TLN2: variants seen among roughly 807,000 people sequenced by gnomAD.
TLN2 encodes talin 2.
A neutral mutation model predicts 294.7 loss-of-function variants in TLN2; 118 were observed. The ratio of observed to expected loss-of-function variants is 0.40; its 90% CI spans 0.34 to 0.47. The LOEUF (loss-of-function observed/expected upper bound fraction) is 0.47, where lower values mean the gene tolerates loss of function less well. TLN2 is among the 20% of genes least tolerant of loss of function. TLN2 has a pLI of 0.84. For synonymous variants in TLN2, 1,431 were observed against 1,304.5 expected, an observed-to-expected ratio of 1.10 and a Z score of -2.09; for missense variants, 3,083 against 3,282.2, an observed-to-expected ratio of 0.94 and a Z score of 1.48.
At chr15:62,694,950 C>T (rs544059956) in intron 14 of TLN2, among the ~76,000 whole-genome samples, 1 of 152,288 alleles carries the variant, frequency 6.6e-6, no homozygotes, top group Admixed American at 6.5e-5. Flanking sequence ...ATGAGCTTAT[C>T]TATAAAATGG....
intron 9 of TLN2, 58 bp downstream of exon 9, chr15:62,657,956 CT>C: frequency 6.6e-7 from 1 of 1,525,584 alleles, no homozygotes; most frequent in Non-Finnish European, 8.9e-7. Context: ...TCTCTTTCAG[CT>C]TTTTATTTTT....
Position 62,505,748 on chromosome 15 carries a change from C to G in TLN2, c.-237-83939C>G, listed in dbSNP as rs149475738. On this transcript the variant is annotated intron_variant, in intron 1 of 58. Transcript: ENST00000636159. ...AGGGAGCAAATTAAGGAATTTACAA[C>G]TGGTACATGAGGAAGGTGGAAGGAA... 3.2e-3 allele frequency among the ~76,000 whole-genome samples: 491 copies of G among 152,256 alleles called. 5 individuals are homozygous for G. The highest frequency in any genetic ancestry group is 0.01 in the African/African-American group (430 of 41,536).
intron 1 of TLN2, among the ~76,000 whole-genome samples, chr15:62,440,100 G>T (rs978629509): frequency 6.6e-6 from 1 of 152,144 alleles, no homozygotes; most frequent in South Asian, 2.1e-4. Context: ...TGAAGAACCC[G>T]CCATGTGCTG....
At chr15:62,608,861 T>C (rs2047668224) in intron 2 of TLN2, among the ~76,000 whole-genome samples, 1 of 151,774 alleles carries the variant, frequency 6.6e-6, no homozygotes, top group African/African-American at 2.4e-5. Context: ...CTTGAGGAGA[T>C]TATTTCTAAA....
At chr15:62,511,935 G>A (rs1188366135) in intron 1 of TLN2, among the ~76,000 whole-genome samples, 1 of 152,094 alleles carries the variant, frequency 6.6e-6, no homozygotes, top group Non-Finnish European at 1.5e-5. Flanking sequence ...AACCCTGGTC[G>A]ATTTTGCACC....
chr15:62,488,064 G>A (rs1474168136), intron 1 of TLN2, among the ~76,000 whole-genome samples: 1 of 151,946 alleles, frequency 6.6e-6, no homozygotes, highest in African/African-American at 2.4e-5. Context: ...GGGCAACAAA[G>A]CAAGACTCTG....
intron 2 of TLN2, among the ~76,000 whole-genome samples, chr15:62,610,732 A>C (rs2047845394): frequency 6.6e-6 from 1 of 152,294 alleles, no homozygotes; most frequent in South Asian, 2.1e-4. Context: ...GCTGTTCTGC[A>C]CTCGTCCATG....
Position 62,800,448 on chromosome 15 carries a change from G to A in TLN2, c.6315G>A (p.Lys2105=), listed in dbSNP as rs1463802. Residue 2105 remains lysine (K), a synonymous_variant, in exon 49 of 59, where the codon AAG becomes AAA. Transcript: ENST00000636159. ...LISATKGAAS[K]PVDDPSMYQL... ...GTGCTACCAAGGGAGCTGCCAGCAA[G>A]CCAGTGGACGACCCTTCCATGTACC... The A allele has an allele frequency of 1.2e-3, 1,978 of 1,614,236 alleles. 22 individuals carry two copies. The African/African-American group carries it at 0.02, about 16-fold the overall frequency.
At chr15:62,418,900 A>C (rs1479376455) in intron 1 of TLN2, among the ~76,000 whole-genome samples, 1 of 152,204 alleles carries the variant, frequency 6.6e-6, no homozygotes, top group Non-Finnish European at 1.5e-5. Context: ...GTGGATCTTC[A>C]GTTGCTTCAG....
chr15:62,397,079 T>G (rs2032612175), intron 1 of TLN2, among the ~76,000 whole-genome samples: 1 of 151,942 alleles, frequency 6.6e-6, no homozygotes, highest in Non-Finnish European at 1.5e-5. Flanking sequence ...GAGGGCTGGG[T>G]TGGTGTTTGA....
intron 14 of TLN2, among the ~76,000 whole-genome samples, chr15:62,695,400 T>G (rs1224878856): frequency 1.3e-5 from 2 of 152,182 alleles, no homozygotes; most frequent in African/African-American, 4.8e-5. Flanking sequence ...CCCACAGTGA[T>G]GCTCTGGGCA....
intron 19 of TLN2, among the ~76,000 whole-genome samples, chr15:62,704,715 T>TC (rs988259734): frequency 6.6e-6 from 1 of 152,194 alleles, no homozygotes; most frequent in African/African-American, 2.4e-5. Context: ...GGTCATAAGT[T>TC]CCCTAGAATC....
chr15:62,490,253 G>A (rs1488288640), intron 1 of TLN2, among the ~76,000 whole-genome samples: 3 of 152,122 alleles, frequency 2.0e-5, no homozygotes, highest in African/African-American at 7.2e-5. Context: ...ATTTTAAAGG[G>A]ATTGTTACCA....
At chr15:62,532,719 G>A (rs1196750316) in intron 1 of TLN2, among the ~76,000 whole-genome samples, 1 of 152,138 alleles carries the variant, frequency 6.6e-6, no homozygotes, top group African/African-American at 2.4e-5. Context: ...TCCATGGTCT[G>A]TTGAAAGGGC....
At chr15:62,425,688 T>C (rs1482592730) in intron 1 of TLN2, among the ~76,000 whole-genome samples, 1 of 152,236 alleles carries the variant, frequency 6.6e-6, no homozygotes, top group East Asian at 1.9e-4. Flanking sequence ...AATGTTTACA[T>C]AGGATGTGTC....
At chr15:62,604,689 GTCT>G (rs1384104961) in intron 2 of TLN2, among the ~76,000 whole-genome samples, 9 of 136,284 alleles carry the variant, frequency 6.6e-5, no homozygotes, top group African/African-American at 1.4e-4. Flanking sequence ...TCTTCTCTTC[GTCT>G]TCTTTTTTTT....
At chr15:62,738,464 G>T in intron 30 of TLN2, 131 bp downstream of exon 30, 1 of 1,272,970 alleles carries the variant, frequency 7.9e-7, no homozygotes. Flanking sequence ...TTTCCCGCCA[G>T]TCTTTGTTTT....
At chr15:62,670,938 C>T (rs778763758) in intron 9 of TLN2, among the ~76,000 whole-genome samples, 13 of 152,226 alleles carry the variant, frequency 8.5e-5, no homozygotes, top group Non-Finnish European at 2.9e-5. Context: ...ATGCCTTTGT[C>T]AACACTTGCT....
At chr15:62,496,788 G>A (rs2039039523) in intron 1 of TLN2, among the ~76,000 whole-genome samples, 1 of 152,146 alleles carries the variant, frequency 6.6e-6, no homozygotes. Flanking sequence ...TATGGATCGC[G>A]ACCAACTTCT....
Sources: allele counts gnomAD v4.1 joint callset (sites outside exome capture counted in the v4.1 genomes callset), GRCh38; gene constraint gnomAD v4.1.1; transcripts MANE v1.5; gene names NCBI Gene and HGNC (gene_info 2026-07-23, HGNC 2026-07-21).